IL16: variants seen among roughly 807,000 people sequenced by gnomAD.
IL16 encodes the protein interleukin 16.
In IL16, 67 loss-of-function variants were observed where a neutral mutation model predicts 110.1. That is an observed-to-expected ratio of 0.61 (90% CI 0.50 to 0.75). The LOEUF is 0.75. IL16 is among the 30% of genes least tolerant of loss of function. The pLI is 0.00. For missense variants in IL16, 1,545 were observed against 1,655.0 expected (o/e 0.93, Z 1.15); for synonymous variants, 689 against 662.9 (o/e 1.04, Z -0.61).
intron 9 of IL16, among the ~76,000 whole-genome samples, chr15:81,283,833 C>T (rs189010693): frequency 6.3e-4 from 96 of 151,984 alleles, no homozygotes; most frequent in African/African-American, 1.8e-3. Context: ...TGGCAAAACC[C>T]ATCTCTACTA....
At chr15:81,192,078 G>A (rs2141923800), upstream of IL16, among the ~76,000 whole-genome samples, 1 of 152,282 alleles carries the variant, frequency 6.6e-6, no homozygotes, top group South Asian at 2.1e-4. Flanking sequence ...AGAACCCATA[G>A]AACTGCACAA....
intron 1 of IL16, among the ~76,000 whole-genome samples, chr15:81,212,376 T>C (rs1379613467): frequency 6.6e-6 from 1 of 152,164 alleles, no homozygotes; most frequent in African/African-American, 2.4e-5. Flanking sequence ...ATACATCTTA[T>C]GTGTGTTTAT....
intron 18 of IL16, among the ~76,000 whole-genome samples, chr15:81,307,352 CAGGTGTGTGT>C (rs1478018471): frequency 1.3e-5 from 2 of 152,128 alleles, no homozygotes; most frequent in Non-Finnish European, 2.9e-5. Flanking sequence ...TAAAGAGGTA[CAGGTGTGTGT>C]CTGAGGGCTC....
chr15:81,236,165 A>G (rs1430986218), intron 2 of IL16, among the ~76,000 whole-genome samples: 1 of 152,236 alleles, frequency 6.6e-6, no homozygotes, highest in East Asian at 1.9e-4. Flanking sequence ...AATCTCTGGC[A>G]TGTGCTGTGG....
At chr15:81,268,912 G>A (rs1030878435) in intron 4 of IL16, among the ~76,000 whole-genome samples, 4 of 152,212 alleles carry the variant, frequency 2.6e-5, no homozygotes, top group African/African-American at 7.2e-5. Context: ...TCACCCGCCA[G>A]CTGATAATGG....
At chr15:81,235,181 G>A (rs931878030) in intron 2 of IL16, among the ~76,000 whole-genome samples, 1 of 152,160 alleles carries the variant, frequency 6.6e-6, no homozygotes, top group Non-Finnish European at 1.5e-5. Flanking sequence ...AAAAGATAAG[G>A]TTGGGGGCTG....
At chr15:81,282,229 C>T (rs937490726) in intron 8 of IL16, among the ~76,000 whole-genome samples, 3 of 152,228 alleles carry the variant, frequency 2.0e-5, no homozygotes, top group East Asian at 1.9e-4. Flanking sequence ...AGATGCTCTG[C>T]CCCATCTCTT....
intron 1 of IL16, among the ~76,000 whole-genome samples, chr15:81,185,194 T>A (rs984560296): frequency 5.3e-5 from 8 of 152,164 alleles, no homozygotes; most frequent in African/African-American, 1.7e-4. Context: ...CACTGCCATA[T>A]GTCTTTGATA....
chr15:81,293,807 T>C (rs1176082008), intron 12 of IL16, among the ~76,000 whole-genome samples: 1 of 152,208 alleles, frequency 6.6e-6, no homozygotes, highest in Non-Finnish European at 1.5e-5. Flanking sequence ...AGCTGCTGTG[T>C]CTAGAACCAT....
chr15:81,303,276 C>A lies in IL16; in HGVS notation c.3319-273C>A. ...TGCTGATTTCTGGCTGACTTCATGGCACTCCCCCTGCCCGGCTGTGGACAG... is the reference window on the plus strand; with the variant it reads ...TGCTGATTTCTGGCTGACTTCATGGAACTCCCCCTGCCCGGCTGTGGACAG... On this transcript the variant is annotated intron_variant, in intron 15 of 18. Coordinates refer to ENST00000683961, the MANE Select transcript of IL16 (RefSeq NM_172217.5). This position sits in a 1 kb window ranked among gnomAD's most constrained non-coding sequence, Gnocchi z 4.1. The A allele has an allele frequency of 2.7e-6, 1 of 370,562 alleles. No individual in the cohort carries two copies. Among genetic ancestry groups the A allele is most frequent in the Admixed American group, 4.2e-5 (1 of 23,746 alleles). The allele number at this position is 370,562 out of a possible 1,614,324, so 23.0% of individuals were successfully genotyped here.
chr15:81,265,693 T>A lies in IL16; in HGVS notation c.456T>A (p.Phe152Leu). Residue 152 changes from phenylalanine to leucine, a missense_variant, in exon 4 of 19, where the codon TTT becomes TTA. Phe to Leu is a conservative substitution (Grantham distance 22). Around this residue, in one of 3 missense-constraint regions of IL16, gnomAD observed 1,185 missense variants for 1,238.8 expected, o/e 0.96. Coordinates refer to ENST00000683961, the MANE Select transcript of IL16 (RefSeq NM_172217.5). ...CCTATTGCACAAGAGAAATTGATTT[T>A]CCAATGACCAAGAAATCTGCAGCGC... ...VNPYCTREID[F>L]PMTKKSAAPT... The A allele has an allele frequency of 1.2e-6, 2 of 1,613,998 alleles. No individual in the cohort carries two copies. Among genetic ancestry groups the A allele is most frequent in the Non-Finnish European group, 1.7e-6 (2 of 1,179,908 alleles).
chr15:81,268,020 G>A (rs984201438), intron 4 of IL16, among the ~76,000 whole-genome samples: 6 of 152,362 alleles, frequency 3.9e-5, no homozygotes, highest in East Asian at 3.9e-4. Flanking sequence ...ATGTCCATGC[G>A]TGATTTCACA....
At chr15:81,186,859 T>A (rs1895426921) in intron 1 of IL16, among the ~76,000 whole-genome samples, 1 of 152,170 alleles carries the variant, frequency 6.6e-6, no homozygotes, top group African/African-American at 2.4e-5. Flanking sequence ...AGTCTTACTA[T>A]GTTGCCCAGG....
chr15:81,291,668 G>A (rs902960324), intron 11 of IL16, among the ~76,000 whole-genome samples: 1 of 152,120 alleles, frequency 6.6e-6, no homozygotes, highest in Non-Finnish European at 1.5e-5. Flanking sequence ...GGCCTCTCAA[G>A]GATGTGTGGG....
intron 2 of IL16, among the ~76,000 whole-genome samples, chr15:81,238,730 T>C (rs536140991): frequency 6.6e-6 from 1 of 152,250 alleles, no homozygotes; most frequent in East Asian, 1.9e-4. Context: ...CTTCTTTCCT[T>C]TCCAAAGGTT....
intron 3 of IL16, among the ~76,000 whole-genome samples, chr15:81,260,487 T>A (rs1898111465): frequency 6.6e-6 from 1 of 152,246 alleles, no homozygotes; most frequent in Admixed American, 6.5e-5. Context: ...TTTTATTATA[T>A]GAATTTATGA....
At chr15:81,243,165 T>TATATATATATATATA (rs1595985718) in intron 2 of IL16, among the ~76,000 whole-genome samples, 1 of 13,374 alleles carries the variant, frequency 7.5e-5, no homozygotes, top group Non-Finnish European at 1.3e-4. Flanking sequence ...ATATATATAT[T>TATATATATATATATA]TTTTTTTTTT....
At chr15:81,198,640 T>C (rs1895684936) in intron 1 of IL16, among the ~76,000 whole-genome samples, 1 of 151,794 alleles carries the variant, frequency 6.6e-6, no homozygotes, top group Admixed American at 6.6e-5. Context: ...CCTTGAGACC[T>C]GCCCTTTTGT....
intron 2 of IL16, 40 bp downstream of exon 2, chr15:81,225,751 G>A (rs780637763): frequency 1.4e-6 from 2 of 1,469,874 alleles, no homozygotes; most frequent in Admixed American, 2.3e-5. Context: ...GCCTGCAGTT[G>A]GTTTCTGGTG....
Sources: allele counts gnomAD v4.1 joint callset (sites outside exome capture counted in the v4.1 genomes callset), GRCh38; gene constraint gnomAD v4.1.1; regional missense constraint gnomAD v4.1.1; non-coding constraint Gnocchi (gnomAD v3.1); transcripts MANE v1.5; gene names NCBI Gene and HGNC (gene_info 2026-07-23, HGNC 2026-07-21).